The following DNA2 variants were observed in gnomAD, a reference collection of about 807,000 sequenced individuals.
The protein encoded by DNA2 is DNA replication ATP-dependent helicase/nuclease DNA2.
Under a neutral mutation model 119.1 loss-of-function variants are expected in DNA2, and 101 were observed. That is an observed-to-expected ratio of 0.85 (90% CI 0.72 to 1.00). The LOEUF (loss-of-function observed/expected upper bound fraction) is 1.00, where lower values mean the gene tolerates loss of function less well. Among genes scored for constraint, DNA2 ranks in the 50% least tolerant of loss-of-function variants. The pLI, the probability that DNA2 is intolerant of heterozygous loss-of-function variation, is 0.00. For missense variants in DNA2, 1,121 were observed against 1,255.5 expected (o/e 0.89, Z 1.62); for synonymous variants, 366 against 424.4 (o/e 0.86, Z 1.69).
intron 19 of DNA2, among the ~76,000 whole-genome samples, chr10:68,418,712 C>T (rs1187422575): frequency 1.4e-5 from 2 of 140,732 alleles, no homozygotes; most frequent in African/African-American, 5.3e-5. Flanking sequence ...CTTGCTCTGT[C>T]GCCCAGGCTG....
At chr10:68,416,931 G>A in intron 19 of DNA2, 76 bp from the exon 20 acceptor site, 1 of 1,268,152 alleles carries the variant, frequency 7.9e-7, no homozygotes, top group Non-Finnish European at 1.1e-6. Context: ...CCTACACAAT[G>A]GACACCTGTG....
chr10:68,456,427 T>A (rs1394187298), intron 5 of DNA2, among the ~76,000 whole-genome samples: 2 of 152,162 alleles, frequency 1.3e-5, no homozygotes, highest in East Asian at 3.9e-4. Flanking sequence ...AGCATTTTTG[T>A]TTTTTGAGGT....
Position 68,442,916 on chromosome 10 carries a change from C to T in DNA2, c.1415+1G>A. 1 of 1,607,414 alleles carries T rather than the reference C, an allele frequency of 6.2e-7. No homozygotes were observed. Among genetic ancestry groups the T allele is most frequent in the Non-Finnish European group, 8.5e-7 (1 of 1,177,272 alleles). On this transcript the variant is annotated splice_donor_variant, in intron 9 of 20. Transcript: ENST00000358410. LOFTEE classifies it high-confidence loss of function. ...CTTACTGTACTAAATGGACCACTTACATTTCCGAAGCAGGCATTAGCCAGA... is the reference window on the plus strand; with the variant it reads ...CTTACTGTACTAAATGGACCACTTATATTTCCGAAGCAGGCATTAGCCAGA...
At chr10:68,465,017 C>CAT in intron 4 of DNA2, among the ~76,000 whole-genome samples, 1 of 139,506 alleles carries the variant, frequency 7.2e-6, no homozygotes, top group South Asian at 2.5e-4. Context: ...TGTAAAGCTG[C>CAT]ATTTTTTTTT....
intron 6 of DNA2, among the ~76,000 whole-genome samples, chr10:68,448,321 T>G (rs938960635): frequency 6.6e-6 from 1 of 152,194 alleles, no homozygotes; most frequent in Non-Finnish European, 1.5e-5. Context: ...GGAGAAACCA[T>G]CTAAGACAAG....
At chr10:68,445,427 C>T (rs2052025834) in intron 7 of DNA2, among the ~76,000 whole-genome samples, 2 of 152,054 alleles carry the variant, frequency 1.3e-5, no homozygotes, top group South Asian at 4.1e-4. Context: ...CGCATCATTG[C>T]ACTCCAGCCT....
rs905317256 is a variant in DNA2, at chr10:68,424,704, A to C, written c.2209-1814T>G. The C allele has an allele frequency of 1.9e-6, 3 of 1,604,280 alleles. No individual in the cohort carries two copies. The Admixed American group carries it at 5.0e-5, about 27-fold the overall frequency. ...GAAGTACAATGTCCGCTCCACACCC[A>C]TCCGCAAGGACGACGAGGTCCAGGT... On this transcript the variant is annotated intron_variant, in intron 14 of 20. Coordinates refer to ENST00000358410, the MANE Select transcript of DNA2 (RefSeq NM_001080449.3).
chr10:68,432,476 T>C lies in DNA2; in HGVS notation c.1681A>G (p.Arg561Gly). The C allele has an allele frequency of 6.4e-7, 1 of 1,572,498 alleles. No homozygotes were observed. Among genetic ancestry groups the C allele is most frequent in the Non-Finnish European group, 8.6e-7 (1 of 1,159,184 alleles). Residue 561 changes from arginine to glycine, a missense_variant, in exon 11 of 21, where the codon AGA (arginine) becomes GGA (glycine). By Grantham distance (125) the Arg-to-Gly change is moderately radical. Transcript: ENST00000358410. ...CAATTTTTTTCTTCTTGGTCTAATC[T>C]GAACAAAGTTGATTCTGGAAGGACC... ...LSVLPESTLF[R>G]LDQEEKNCDI...
chr10:68,446,290 C>T lies in DNA2; in HGVS notation c.1057+6G>A, dbSNP rs1233778958. On this transcript the variant is annotated splice_donor_region_variant and intron_variant, in intron 7 of 20. Coordinates refer to ENST00000358410, the MANE Select transcript of DNA2 (RefSeq NM_001080449.3). ...AGAAGTAAAACTAAAAAAAAAACGG[C>T]TCAACCTCTTTTATCTAGATGGTTG... is the stretch of plus-strand genomic sequence containing the variant. 1.3e-6 allele frequency: 2 copies of T among 1,530,780 alleles called. No individual in the cohort carries two copies. The highest frequency in any genetic ancestry group is 2.5e-5 in the South Asian group (2 of 80,256). The allele number at this position is 1,530,780 out of a possible 1,614,324, so 94.8% of individuals were successfully genotyped here. A position where few individuals can be genotyped will look rare whatever the true frequency, so the allele number is the denominator to read the frequency against.
Position 68,450,035 on chromosome 10 carries a change from C to G in DNA2, c.932G>C (p.Arg311Pro). The G allele has an allele frequency of 6.4e-7, 1 of 1,571,944 alleles. No individual in the cohort carries two copies. The highest frequency in any genetic ancestry group is 8.7e-7 in the Non-Finnish European group (1 of 1,153,082). The change falls in exon 6 of 21, where the codon CGT (arginine) becomes CCT (proline). Residue 311 changes from arginine to proline, a missense_variant. Arg to Pro is a moderately radical substitution (Grantham distance 103). Coordinates refer to ENST00000358410, the MANE Select transcript of DNA2 (RefSeq NM_001080449.3). ...TGKESNSIEH[R>P]SQVVLYTLLS... ...TCTTATTAACATTTATACCTGACTA[C>G]GGTGTTCAATAGAATTTGATTCTTT... is the stretch of plus-strand genomic sequence containing the variant.
At chr10:68,424,623 C>G (rs986019499) in intron 14 of DNA2, 5 of 1,526,044 alleles carry the variant, frequency 3.3e-6, no homozygotes, top group Non-Finnish European at 4.5e-6. Context: ...CTTCCATGCC[C>G]CCTTGCACGT....
chr10:68,449,509 G>A (rs2052089344), intron 6 of DNA2, among the ~76,000 whole-genome samples: 2 of 152,152 alleles, frequency 1.3e-5, no homozygotes, highest in Admixed American at 1.3e-4. Flanking sequence ...GGTGCAAGTG[G>A]CTCACACCTG....
intron 14 of DNA2, among the ~76,000 whole-genome samples, chr10:68,429,994 G>A (rs184694789): frequency 8.1e-5 from 12 of 147,430 alleles, no homozygotes; most frequent in East Asian, 2.1e-4. Context: ...ACGATTCTCC[G>A]TGCCTCAGCC....
intron 5 of DNA2, among the ~76,000 whole-genome samples, chr10:68,452,072 C>T (rs1362203508): frequency 2.6e-5 from 4 of 152,044 alleles, no homozygotes; most frequent in Admixed American, 2.6e-4. Flanking sequence ...CATAATTTAT[C>T]TAAAATTTCT....
At chr10:68,453,432 T>A (rs1480848348) in intron 5 of DNA2, among the ~76,000 whole-genome samples, 1 of 151,938 alleles carries the variant, frequency 6.6e-6, no homozygotes, top group Non-Finnish European at 1.5e-5. Context: ...TCTAAGATAC[T>A]GATCCTTTAA....
intron 20 of DNA2, among the ~76,000 whole-genome samples, 168 bp from the exon 21 acceptor site, chr10:68,415,275 C>CTTT (rs549702509): frequency 7.2e-6 from 1 of 138,850 alleles, no homozygotes; most frequent in African/African-American, 2.6e-5. Flanking sequence ...AGTTATTTAT[C>CTTT]TTTTTTTTTT....
rs139362641 is a variant in DNA2 at position 68,442,098 on chromosome 10, A to G, written c.1415+819T>C. On this transcript the variant is annotated intron_variant, in intron 9 of 20. Transcript: ENST00000358410. ...CCTAGGTAATTTTTGTATTTTTTGT[A>G]GAGACAGGGTTTTGCCATGTTGCCC... Among the ~76,000 whole-genome samples, 1,273 of 152,102 alleles carry G rather than the reference A, an allele frequency of 8.4e-3. 21 individuals are homozygous for G. Among genetic ancestry groups the G allele is most frequent in the African/African-American group, 0.029 (1,214 of 41,496 alleles).
chr10:68,449,062 G>A (rs1590066414), intron 6 of DNA2, among the ~76,000 whole-genome samples: 1 of 151,648 alleles, frequency 6.6e-6, no homozygotes, highest in African/African-American at 2.4e-5. Flanking sequence ...GCCTCCCAAA[G>A]TGCTGGGATT....
intron 5 of DNA2, among the ~76,000 whole-genome samples, chr10:68,455,851 A>G (rs1208902149): frequency 6.6e-6 from 1 of 151,960 alleles, no homozygotes; most frequent in South Asian, 2.1e-4. Context: ...AAACAAACAA[A>G]CAAAAAACTC....
Sources: allele counts gnomAD v4.1 joint callset (sites outside exome capture counted in the v4.1 genomes callset), GRCh38; gene constraint gnomAD v4.1.1; transcripts MANE v1.5; gene names NCBI Gene and HGNC (gene_info 2026-07-23, HGNC 2026-07-21).